The following FAM135B variants were observed in gnomAD, a reference collection of about 807,000 sequenced individuals.
FAM135B encodes family with sequence similarity 135 member B.
FAM135B carries 43 observed loss-of-function variants against 127.7 expected under a neutral mutation model. The observed-to-expected ratio is 0.34, with a 90% CI of 0.26 to 0.43. FAM135B has a LOEUF of 0.43. Ranked by LOEUF, FAM135B falls within the 20% of genes least tolerant of loss-of-function variation. The pLI is 1.00. For missense variants in FAM135B, 1,558 were observed against 1,725.6 expected (o/e 0.90, Z 1.72); for synonymous variants, 670 against 665.1 (o/e 1.01, Z -0.11).
At chr8:138,335,698 G>A (rs1311788351) in intron 2 of FAM135B, among the ~76,000 whole-genome samples, 2 of 152,142 alleles carry the variant, frequency 1.3e-5, no homozygotes, top group Non-Finnish European at 2.9e-5. Flanking sequence ...ACAGTTCAAC[G>A]AGACAGAAAG....
chr8:138,476,085 T>C (rs866490222), intron 1 of FAM135B, among the ~76,000 whole-genome samples: 3 of 152,220 alleles, frequency 2.0e-5, no homozygotes, highest in African/African-American at 7.2e-5. Flanking sequence ...CTTACATGTA[T>C]ATTACTAAGT....
intron 2 of FAM135B, among the ~76,000 whole-genome samples, chr8:138,348,360 C>T (rs1829556847): frequency 6.6e-6 from 1 of 152,040 alleles, no homozygotes; most frequent in East Asian, 1.9e-4. Flanking sequence ...GTCTCGAACT[C>T]CTGACCTCAG....
At chr8:138,443,616 C>T (rs2131556587) in intron 1 of FAM135B, among the ~76,000 whole-genome samples, 1 of 152,286 alleles carries the variant, frequency 6.6e-6, no homozygotes, top group Non-Finnish European at 1.5e-5. Flanking sequence ...GTTTACTAAG[C>T]ACTGACTGAG....
At chr8:138,479,990 T>G (rs911390779) in intron 1 of FAM135B, among the ~76,000 whole-genome samples, 3 of 152,092 alleles carry the variant, frequency 2.0e-5, no homozygotes, top group Non-Finnish European at 2.9e-5. Context: ...AGTCTGTTTC[T>G]GAGCACAGTG....
chr8:138,256,433 G>A (rs1822094245), intron 5 of FAM135B, among the ~76,000 whole-genome samples: 1 of 152,166 alleles, frequency 6.6e-6, no homozygotes, highest in Non-Finnish European at 1.5e-5. Flanking sequence ...ACATGAGAAA[G>A]TGCCAGTTAG....
Position 138,241,784 on chromosome 8 carries a change from A to G in FAM135B, c.669+1158T>C, listed in dbSNP as rs1820796470. 1.3e-5 allele frequency among the ~76,000 whole-genome samples: 2 copies of G among 152,230 alleles called. No individual in the cohort carries two copies. The highest frequency in any genetic ancestry group is 4.1e-4 in the South Asian group (2 of 4,828). Reference sequence around the variant, plus strand: ...ATCTTACTTGGGCCACAAGGTGCCCAGACGTTTGGTTGAACATTATTCTAG... The same window carrying G: ...ATCTTACTTGGGCCACAAGGTGCCCGGACGTTTGGTTGAACATTATTCTAG... On this transcript the variant is annotated intron_variant, in intron 7 of 19. Coordinates refer to ENST00000395297, the MANE Select transcript of FAM135B (RefSeq NM_015912.4). The surrounding 1 kb of genome is among the most constrained non-coding windows in gnomAD (Gnocchi z 4.8).
chr8:138,292,465 G>C (rs1825183516), intron 3 of FAM135B, among the ~76,000 whole-genome samples: 2 of 152,036 alleles, frequency 1.3e-5, no homozygotes, highest in South Asian at 4.1e-4. Flanking sequence ...AAGCAATCTT[G>C]TGCAAAAAGA....
chr8:138,135,820 T>G (rs979678270), intron 19 of FAM135B, among the ~76,000 whole-genome samples: 5 of 152,152 alleles, frequency 3.3e-5, no homozygotes, highest in Non-Finnish European at 7.4e-5. Context: ...TATATGCATA[T>G]AGTCTATAAT....
rs117035593 is a variant in FAM135B, at chr8:138,384,414, G to A, written c.-19-16412C>T. ...CATTTGCTAAATAGATGTATTGGGG[G>A]CCTATTATGTGCCCGGCTTCCAGAG... is the stretch of plus-strand genomic sequence containing the variant. On this transcript the variant is annotated intron_variant, in intron 1 of 19. Transcript: ENST00000395297. 9.9e-4 allele frequency among the ~76,000 whole-genome samples: 150 copies of A among 151,896 alleles called. 4 individuals carry two copies. In the East Asian group the frequency reaches 0.022, roughly 23 times the overall value.
chr8:138,186,745 C>G (rs1178189886), intron 9 of FAM135B, among the ~76,000 whole-genome samples: 1 of 152,212 alleles, frequency 6.6e-6, no homozygotes, highest in African/African-American at 2.4e-5. Context: ...GCTTGGGGCA[C>G]CGCCCTAGAA....
At chr8:138,491,601 T>C (rs1217997580) in intron 1 of FAM135B, among the ~76,000 whole-genome samples, 4 of 151,884 alleles carry the variant, frequency 2.6e-5, no homozygotes, top group African/African-American at 9.7e-5. Flanking sequence ...AATCCTACGT[T>C]CACTCATTCA....
rs141730692 is a variant in FAM135B, at chr8:138,245,098, A to T, written c.543-2030T>A. Among the ~76,000 whole-genome samples the T allele has an allele frequency of 4.8e-3, 734 of 152,292 alleles. 10 individuals carry two copies. Among genetic ancestry groups the T allele is most frequent in the Middle Eastern group, 0.014 (4 of 294 alleles). On this transcript the variant is annotated intron_variant, in intron 6 of 19. Coordinates refer to ENST00000395297, the MANE Select transcript of FAM135B (RefSeq NM_015912.4). The stretch of plus-strand genomic sequence containing the variant: ...CTGCAAAATCCAGAGGACAGAAGAC[A>T]ATTCTATTTTTACCCCCAACCCTGA...
chr8:138,492,194 C>T (rs148323815), intron 1 of FAM135B, among the ~76,000 whole-genome samples: 59 of 152,196 alleles, frequency 3.9e-4, no homozygotes, highest in African/African-American at 1.3e-3. Context: ...TCTTCTCTCA[C>T]GGTGGGAGGA....
At chr8:138,276,615 G>C (rs548694597) in intron 3 of FAM135B, among the ~76,000 whole-genome samples, 1 of 152,098 alleles carries the variant, frequency 6.6e-6, no homozygotes, top group Non-Finnish European at 1.5e-5. Flanking sequence ...CTCCCTCCAA[G>C]TTCTGAGGCA....
rs543578461 is a variant in FAM135B at position 138,449,225 on chromosome 8, C to G, written c.-20+47446G>C. On this transcript the variant is annotated intron_variant, in intron 1 of 19. Transcript: ENST00000395297. ...CACATACATAATTAATTCATTACAACTGTATTAAGTAGAATAAAAGACAAG... is the reference window on the plus strand; with the variant it reads ...CACATACATAATTAATTCATTACAAGTGTATTAAGTAGAATAAAAGACAAG... Among the ~76,000 whole-genome samples, 31 of 152,270 alleles carry G rather than the reference C, an allele frequency of 2.0e-4. 2 individuals are homozygous for G. In the South Asian group the frequency reaches 6.4e-3, roughly 32 times the overall value.
chr8:138,221,474 G>A (rs1231688567), intron 7 of FAM135B, among the ~76,000 whole-genome samples: 1 of 152,104 alleles, frequency 6.6e-6, no homozygotes, highest in Admixed American at 6.5e-5. Context: ...CATGAGATTT[G>A]GTGAGGACAC....
chr8:138,391,600 C>T (rs1832582496), intron 1 of FAM135B, among the ~76,000 whole-genome samples: 3 of 152,194 alleles, frequency 2.0e-5, no homozygotes, highest in Non-Finnish European at 2.9e-5. Context: ...AAGGAGCAGG[C>T]TAGCTGGTGG....
chr8:138,372,813 G>A (rs904078726), intron 1 of FAM135B, among the ~76,000 whole-genome samples: 1 of 152,016 alleles, frequency 6.6e-6, no homozygotes, highest in Admixed American at 6.6e-5. Flanking sequence ...TCTTGATCAA[G>A]TGCCCCTTAC....
intron 2 of FAM135B, among the ~76,000 whole-genome samples, chr8:138,320,042 C>G (rs532413385): frequency 6.6e-6 from 1 of 152,196 alleles, no homozygotes; most frequent in East Asian, 1.9e-4. Flanking sequence ...ACAGACTCTT[C>G]TACTGCATGG....
Sources: gnomAD v4.1 joint callset for allele counts (sites outside exome capture counted in the v4.1 genomes callset) on GRCh38, gnomAD v4.1.1 for gene constraint, Gnocchi (gnomAD v3.1) non-coding constraint, MANE v1.5 for transcripts, NCBI Gene and HGNC (gene_info 2026-07-23, HGNC 2026-07-21) for gene names.